SMYD3: variants seen among roughly 807,000 people sequenced by gnomAD.
SMYD3 encodes histone-lysine N-methyltransferase SMYD3.
In SMYD3, 36 loss-of-function variants were observed where a neutral mutation model predicts 57.7. The ratio of observed to expected loss-of-function variants is 0.62; its 90% CI spans 0.48 to 0.82. SMYD3 has a LOEUF of 0.82. Among genes scored for constraint, SMYD3 ranks in the 40% least tolerant of loss-of-function variants. SMYD3 has a pLI of 0.00. For synonymous variants in SMYD3, 211 were observed against 195.0 expected (o/e 1.08, Z -0.68); for missense variants, 515 against 538.8 (o/e 0.96, Z 0.44).
chr1:246,171,318 T>C (rs985198182), intron 5 of SMYD3, among the ~76,000 whole-genome samples: 2 of 152,226 alleles, frequency 1.3e-5, no homozygotes, highest in African/African-American at 4.8e-5. Flanking sequence ...AATCCCTCCT[T>C]TCTTTGAATT....
At chr1:246,114,337 A>G (rs34553016) in intron 5 of SMYD3, among the ~76,000 whole-genome samples, 96,822 of 152,092 alleles carry the variant, frequency 0.64, 32,386 homozygotes, top group Non-Finnish European at 0.73. Flanking sequence ...CCAGACCACA[A>G]TGAAGGTAGG....
At chr1:245,939,441 T>C (rs10924395) in intron 5 of SMYD3, among the ~76,000 whole-genome samples, 26,278 of 151,998 alleles carry the variant, frequency 0.17, 2,744 homozygotes, top group Admixed American at 0.28. Context: ...CTGGCCAATA[T>C]GGTGAAACCC....
chr1:246,061,846 A>T (rs935769002), intron 5 of SMYD3, among the ~76,000 whole-genome samples: 2 of 152,252 alleles, frequency 1.3e-5, no homozygotes. Flanking sequence ...ATAGACCGGC[A>T]CTATTACAAA....
At chr1:245,945,090 T>C (rs1424947224) in intron 5 of SMYD3, among the ~76,000 whole-genome samples, 1 of 152,114 alleles carries the variant, frequency 6.6e-6, no homozygotes, top group East Asian at 1.9e-4. Flanking sequence ...AAAGATTTCA[T>C]GAAGAAAACA....
intron 5 of SMYD3, among the ~76,000 whole-genome samples, chr1:246,116,386 G>A (rs1212698027): frequency 6.6e-6 from 1 of 152,150 alleles, no homozygotes; most frequent in Non-Finnish European, 1.5e-5. Flanking sequence ...CAAGTCAACA[G>A]ATTAAATTTA....
chr1:246,195,804 C>T (rs1273815829), intron 5 of SMYD3, among the ~76,000 whole-genome samples: 4 of 152,140 alleles, frequency 2.6e-5, no homozygotes, highest in African/African-American at 9.7e-5. Flanking sequence ...TTACATATAG[C>T]TCAACCGGAG....
chr1:246,144,247 T>C (rs2061808462), intron 5 of SMYD3, among the ~76,000 whole-genome samples: 1 of 152,242 alleles, frequency 6.6e-6, no homozygotes, highest in Non-Finnish European at 1.5e-5. Flanking sequence ...CTCTTACTCA[T>C]GGCAAACACT....
intron 5 of SMYD3, among the ~76,000 whole-genome samples, chr1:246,036,981 T>C (rs1181401843): frequency 6.6e-6 from 1 of 152,110 alleles, no homozygotes; most frequent in African/African-American, 2.4e-5. Context: ...TTCCTCATCG[T>C]TTTTTATGGC....
intron 7 of SMYD3, among the ~76,000 whole-genome samples, chr1:245,916,555 C>T (rs2055436532): frequency 6.6e-6 from 1 of 152,082 alleles, no homozygotes; most frequent in Non-Finnish European, 1.5e-5. Flanking sequence ...CAGAGTCATC[C>T]TTGACTTCAC....
intron 10 of SMYD3, among the ~76,000 whole-genome samples, chr1:245,799,795 T>C (rs1461570040): frequency 1.3e-5 from 2 of 151,844 alleles, no homozygotes; most frequent in Non-Finnish European, 2.9e-5. Context: ...CCTGTCCACC[T>C]GTCCATCTGC....
intron 5 of SMYD3, among the ~76,000 whole-genome samples, chr1:246,144,556 C>T (rs1413557052): frequency 1.3e-5 from 2 of 152,110 alleles, no homozygotes; most frequent in East Asian, 1.9e-4. Flanking sequence ...AAGTAATATA[C>T]CCTCCCTGTC....
At chr1:246,475,854 A>G (rs1282828978) in intron 1 of SMYD3, among the ~76,000 whole-genome samples, 1 of 152,136 alleles carries the variant, frequency 6.6e-6, no homozygotes, top group Non-Finnish European at 1.5e-5. Flanking sequence ...AGCTCAAGCA[A>G]TTCACCCACC....
intron 1 of SMYD3, among the ~76,000 whole-genome samples, chr1:246,495,238 A>G (rs2068340106): frequency 6.7e-6 from 1 of 150,282 alleles, no homozygotes; most frequent in African/African-American, 2.5e-5. Flanking sequence ...AGTCCCAGCT[A>G]CTCGGGAGGC....
At chr1:246,098,051 TA>T (rs1469112805) in intron 5 of SMYD3, among the ~76,000 whole-genome samples, 3 of 152,202 alleles carry the variant, frequency 2.0e-5, no homozygotes, top group African/African-American at 7.2e-5. Context: ...AAATTACCAC[TA>T]AACTGATTTT....
chr1:246,505,534 C>T (rs2068524286), intron 1 of SMYD3, among the ~76,000 whole-genome samples: 2 of 150,000 alleles, frequency 1.3e-5, no homozygotes, highest in Non-Finnish European at 3.0e-5. Context: ...ACCCCAGATC[C>T]CAGCCCCAGC....
intron 5 of SMYD3, among the ~76,000 whole-genome samples, chr1:246,107,242 G>C (rs1022852491): frequency 2.0e-5 from 3 of 151,614 alleles, no homozygotes; most frequent in South Asian, 2.1e-4. Flanking sequence ...AGCCGAGATT[G>C]CGCCACTGCA....
chr1:246,357,720 C>T (rs2148709132), intron 1 of SMYD3, among the ~76,000 whole-genome samples: 1 of 152,252 alleles, frequency 6.6e-6, no homozygotes, highest in South Asian at 2.1e-4. Context: ...CAAAACTAAG[C>T]TTCATAAATG....
At chr1:246,019,502 T>C (rs796434692) in intron 5 of SMYD3, among the ~76,000 whole-genome samples, 11 of 152,326 alleles carry the variant, frequency 7.2e-5, no homozygotes, top group African/African-American at 2.6e-4. Flanking sequence ...TAGAACCTTA[T>C]AGAATCCAAA....
At chr1:245,832,008 G>A (rs1476365846) in intron 10 of SMYD3, among the ~76,000 whole-genome samples, 1 of 152,222 alleles carries the variant, frequency 6.6e-6, no homozygotes, top group Non-Finnish European at 1.5e-5. Context: ...TTGGAGGAGG[G>A]AGGGGAGGCC....
Sources: gnomAD v4.1 joint callset for allele counts (sites outside exome capture counted in the v4.1 genomes callset) on GRCh38, gnomAD v4.1.1 for gene constraint, MANE v1.5 for transcripts, NCBI Gene and HGNC (gene_info 2026-07-23, HGNC 2026-07-21) for gene names.